The following RPS6KC1 variants were observed in gnomAD, a reference collection of about 807,000 sequenced individuals.
RPS6KC1 encodes the protein ribosomal protein S6 kinase C1, also known as inactive ribosomal protein S6 kinase delta-1.
A neutral mutation model predicts 103.8 loss-of-function variants in RPS6KC1; 54 were observed. The observed-to-expected ratio is 0.52, with a 90% CI of 0.42 to 0.65. The LOEUF is 0.65. Ranked by LOEUF, RPS6KC1 falls within the 30% of genes least tolerant of loss-of-function variation. The pLI, the probability that RPS6KC1 is intolerant of heterozygous loss-of-function variation, is 0.00. For missense variants in RPS6KC1, 1,151 were observed against 1,253.8 expected, an observed-to-expected ratio of 0.92 and a Z score of 1.24; for synonymous variants, 439 against 438.7, an observed-to-expected ratio of 1.00 and a Z score of -0.01.
At chr1:213,717,332 G>A in the RPS6KC1 span, among the ~76,000 whole-genome samples, 2 of 152,234 alleles carry the variant, frequency 1.3e-5, no homozygotes, top group Non-Finnish European at 2.9e-5. Context: ...GCATTACACA[G>A]CAGGGGTAAA....
intron 3 of RPS6KC1, among the ~76,000 whole-genome samples, chr1:213,100,611 A>G (rs569699608): frequency 2.0e-5 from 3 of 152,122 alleles, no homozygotes; most frequent in East Asian, 1.9e-4. Context: ...GGAGTTCTCA[A>G]TGTCTGTTGT....
the RPS6KC1 span, among the ~76,000 whole-genome samples, chr1:213,452,146 G>A: frequency 4.6e-5 from 7 of 152,132 alleles, no homozygotes; most frequent in Non-Finnish European, 7.4e-5. Context: ...CTACAAGGGC[G>A]TTTAGGTCAG....
the RPS6KC1 span, among the ~76,000 whole-genome samples, chr1:213,472,296 A>G: frequency 2.0e-5 from 3 of 152,358 alleles, 1 homozygote; most frequent in African/African-American, 7.2e-5. Context: ...AATAATTTCT[A>G]TTATGGTGAA....
chr1:213,784,965 T>G, the RPS6KC1 span, among the ~76,000 whole-genome samples: 1 of 152,140 alleles, frequency 6.6e-6, no homozygotes, highest in Admixed American at 6.5e-5. Context: ...CCTGGCAAAC[T>G]TTTCAGAAGT....
At chr1:213,727,103 C>T in the RPS6KC1 span, among the ~76,000 whole-genome samples, 2 of 152,154 alleles carry the variant, frequency 1.3e-5, no homozygotes, top group African/African-American at 2.4e-5. Context: ...CACATTGACC[C>T]GACCCTTTCA....
chr1:213,730,255 T>A, the RPS6KC1 span, among the ~76,000 whole-genome samples: 45 of 152,314 alleles, frequency 3.0e-4, no homozygotes, highest in African/African-American at 7.7e-4. Context: ...TGTCTTTATT[T>A]GTTATGATTT....
chr1:213,132,214 C>T (rs1399173176), intron 6 of RPS6KC1, among the ~76,000 whole-genome samples: 1 of 152,218 alleles, frequency 6.6e-6, no homozygotes, highest in Admixed American at 6.5e-5. Context: ...CATGTATCTC[C>T]TATTTAATGC....
chr1:213,055,592 T>C (rs1241822610), intron 1 of RPS6KC1, among the ~76,000 whole-genome samples: 1 of 152,230 alleles, frequency 6.6e-6, no homozygotes, highest in Non-Finnish European at 1.5e-5. Context: ...TGGCTTTGTT[T>C]ATGTAGCTTT....
chr1:213,360,618 A>C, the RPS6KC1 span, among the ~76,000 whole-genome samples: 6 of 152,092 alleles, frequency 3.9e-5, no homozygotes, highest in African/African-American at 1.4e-4. Context: ...GTTCCTTTGG[A>C]GGAGGAGAAG....
At chr1:213,603,423 G>A in the RPS6KC1 span, among the ~76,000 whole-genome samples, 1 of 152,254 alleles carries the variant, frequency 6.6e-6, no homozygotes, top group Admixed American at 6.5e-5. Flanking sequence ...CAGGAACCAT[G>A]AGAAGGGGTG....
At chr1:213,562,033 G>A in the RPS6KC1 span, among the ~76,000 whole-genome samples, 1 of 152,180 alleles carries the variant, frequency 6.6e-6, no homozygotes, top group African/African-American at 2.4e-5. Flanking sequence ...ACCTTGAGCA[G>A]CATCTATAAA....
rs141579678 is a variant in RPS6KC1 at position 213,260,126 on chromosome 1, A to G, written c.2912-1432A>G. Among the ~76,000 whole-genome samples the G allele has an allele frequency of 3.8e-3, 581 of 152,284 alleles. 14 individuals carry two copies. Among genetic ancestry groups the G allele is most frequent in the Admixed American group, 0.035 (534 of 15,302 alleles). ...AATCTCTATTGTTAGGTAGTTCTCA[A>G]TTTTTCAAACAAGCAACTATTTTAT... On this transcript the variant is annotated intron_variant, in intron 12 of 14. Transcript: ENST00000366960.
the RPS6KC1 span, among the ~76,000 whole-genome samples, chr1:213,803,015 C>T: frequency 6.6e-6 from 1 of 152,140 alleles, no homozygotes; most frequent in Admixed American, 6.5e-5. Context: ...CTCTGCTAGG[C>T]ATGGGACCAT....
At chr1:213,513,343 G>A in the RPS6KC1 span, among the ~76,000 whole-genome samples, 2 of 152,204 alleles carry the variant, frequency 1.3e-5, no homozygotes, top group African/African-American at 4.8e-5. Context: ...AGGGCTACCA[G>A]ATAATAAATA....
At chr1:213,535,369 A>G in the RPS6KC1 span, among the ~76,000 whole-genome samples, 1 of 152,224 alleles carries the variant, frequency 6.6e-6, no homozygotes, top group Admixed American at 6.5e-5. Context: ...AAAGAACGGA[A>G]AGCAGAGTAA....
chr1:213,225,474 C>T (rs1172462146), intron 8 of RPS6KC1, among the ~76,000 whole-genome samples: 1 of 152,036 alleles, frequency 6.6e-6, no homozygotes, highest in Non-Finnish European at 1.5e-5. Flanking sequence ...ACTGCAACCT[C>T]CGCCTCCTGA....
At chr1:213,717,499 G>A in the RPS6KC1 span, among the ~76,000 whole-genome samples, 1 of 152,222 alleles carries the variant, frequency 6.6e-6, no homozygotes, top group Admixed American at 6.5e-5. Context: ...TGGCTAAAGC[G>A]TTGAGTTTAT....
At chr1:213,263,201 C>T (rs561765262) in intron 14 of RPS6KC1, among the ~76,000 whole-genome samples, 6 of 152,212 alleles carry the variant, frequency 3.9e-5, no homozygotes, top group Admixed American at 2.6e-4. Context: ...TAAGTTTACT[C>T]AGGTATTTAT....
intron 7 of RPS6KC1, among the ~76,000 whole-genome samples, chr1:213,175,409 C>T (rs773274645): frequency 7.2e-5 from 11 of 152,232 alleles, no homozygotes; most frequent in East Asian, 3.9e-4. Flanking sequence ...AGAATGTTTC[C>T]GCTGTATTCT....
Sources: gnomAD v4.1 joint callset for allele counts (sites outside exome capture counted in the v4.1 genomes callset) on GRCh38, gnomAD v4.1.1 for gene constraint, MANE v1.5 for transcripts, NCBI Gene and HGNC (gene_info 2026-07-23, HGNC 2026-07-21) for gene names.